TYR: variants seen among roughly 807,000 people sequenced by gnomAD.
TYR encodes tyrosinase, also known as LB24-AB.
TYR carries 58 observed loss-of-function variants against 51.5 expected under a neutral mutation model. That is an observed-to-expected ratio of 1.13 (90% CI 0.91 to 1.40). The LOEUF is 1.40. Ranked by LOEUF, TYR falls within the 40% of genes most tolerant of loss-of-function variation. TYR has a pLI of 0.00. For missense variants in TYR, 732 were observed against 647.4 expected, an observed-to-expected ratio of 1.13 and a Z score of -1.42; for synonymous variants, 263 against 235.2, an observed-to-expected ratio of 1.12 and a Z score of -1.08.
chr11:89,184,827 AC>A lies in TYR; in HGVS notation c.819+6056del, dbSNP rs201837395. 1.0e-3 allele frequency among the ~76,000 whole-genome samples: 156 copies of A among 152,300 alleles called. 4 individuals carry two copies. The East Asian group carries it at 0.027, about 26-fold the overall frequency. On this transcript the variant is annotated intron_variant, in intron 1 of 4. Transcript: ENST00000263321. ...CGGAGCCCAATTTTTTCTCTACCAC[AC>A]AATGCATAAATTCTTAAGTTATGTC...
chr11:89,248,761 A>G (rs1398005683), intron 3 of TYR, among the ~76,000 whole-genome samples: 1 of 152,176 alleles, frequency 6.6e-6, no homozygotes, highest in Non-Finnish European at 1.5e-5. Context: ...AAACTTCAAA[A>G]GTGACATGGA....
At position 89,178,550 on chromosome 11, in the gene TYR, T is replaced by C; in HGVS notation, c.597T>C (p.Asp199=). ...GATCTGAAATCTGGAGAGACATTGA[T>C]TTTGCCCATGAAGCACCAGCTTTTC... ...LGGSEIWRDI[D]FAHEAPAFLP... is the part of the protein sequence containing the mutation. The change falls in exon 1 of 5, where the codon GAT becomes GAC. Residue 199 remains aspartate (D), a synonymous_variant. Transcript: ENST00000263321. 1.7e-5 allele frequency: 27 copies of C among 1,614,098 alleles called. No homozygotes were observed. The highest frequency in any genetic ancestry group is 2.3e-5 in the Non-Finnish European group (27 of 1,179,988).
At chr11:89,250,980 T>C (rs1944325403) in intron 3 of TYR, among the ~76,000 whole-genome samples, 1 of 151,828 alleles carries the variant, frequency 6.6e-6, no homozygotes, top group African/African-American at 2.4e-5. Context: ...AGAAAACAAA[T>C]CATTTGAAGG....
intron 3 of TYR, among the ~76,000 whole-genome samples, chr11:89,263,392 C>T (rs915830115): frequency 6.6e-6 from 1 of 151,658 alleles, no homozygotes; most frequent in Non-Finnish European, 1.5e-5. Flanking sequence ...ACAGCTAACA[C>T]ATCATACTCA....
intron 3 of TYR, among the ~76,000 whole-genome samples, chr11:89,277,933 C>T (rs1048620109): frequency 1.3e-5 from 2 of 151,620 alleles, no homozygotes; most frequent in African/African-American, 4.8e-5. Context: ...ATTCACCTTC[C>T]CAGATACAAA....
intron 1 of TYR, among the ~76,000 whole-genome samples, chr11:89,181,829 G>A (rs1943304296): frequency 1.3e-5 from 2 of 152,100 alleles, no homozygotes; most frequent in South Asian, 4.1e-4. Flanking sequence ...AGTCAACAAT[G>A]TTATTTCTTG....
At chr11:89,246,024 A>G (rs1406336141) in intron 3 of TYR, among the ~76,000 whole-genome samples, 1 of 152,146 alleles carries the variant, frequency 6.6e-6, no homozygotes, top group Non-Finnish European at 1.5e-5. Flanking sequence ...TAGCATGCTC[A>G]GAAGCTTGGG....
chr11:89,203,348 C>A (rs1943625041), intron 2 of TYR, among the ~76,000 whole-genome samples: 2 of 152,188 alleles, frequency 1.3e-5, no homozygotes, highest in Admixed American at 6.5e-5. Context: ...AAGCTGGGGA[C>A]TCTGATAAAC....
intron 4 of TYR, among the ~76,000 whole-genome samples, chr11:89,285,344 A>G (rs1944772250): frequency 1.3e-5 from 2 of 151,930 alleles, no homozygotes; most frequent in East Asian, 2.0e-4. Flanking sequence ...ATTATTTAGA[A>G]TGATACATTA....
chr11:89,217,997 G>A (rs758367294), intron 2 of TYR, among the ~76,000 whole-genome samples: 11 of 151,974 alleles, frequency 7.2e-5, no homozygotes, highest in Non-Finnish European at 1.0e-4. Context: ...AAGAATCATC[G>A]ACCTCTTCTA....
At chr11:89,223,610 A>G in intron 2 of TYR, among the ~76,000 whole-genome samples, 1 of 152,172 alleles carries the variant, frequency 6.6e-6, no homozygotes. Context: ...TATAAGTGAA[A>G]GATTGAGAGT....
chr11:89,204,235 T>A (rs1383771788), intron 2 of TYR, among the ~76,000 whole-genome samples: 1 of 152,170 alleles, frequency 6.6e-6, no homozygotes, highest in Non-Finnish European at 1.5e-5. Flanking sequence ...TGAGGAGCAG[T>A]AATGAGGGGT....
intron 1 of TYR, among the ~76,000 whole-genome samples, chr11:89,190,890 T>C (rs527554038): frequency 8.5e-5 from 13 of 152,284 alleles, no homozygotes; most frequent in African/African-American, 3.1e-4. Context: ...CAATTGCCTA[T>C]AGTATTCAGT....
At chr11:89,214,065 CA>C (rs1428301116) in intron 2 of TYR, among the ~76,000 whole-genome samples, 5 of 152,166 alleles carry the variant, frequency 3.3e-5, no homozygotes, top group Non-Finnish European at 7.4e-5. Context: ...GCAATGGCAA[CA>C]AAAGCCAAAA....
In TYR at chr11:89,228,094, G is replaced by A. The variant is rs796367827; in HGVS notation, c.1184+124G>A. 3.1e-5 allele frequency: 38 copies of A among 1,221,872 alleles called. No individual in the cohort carries two copies. In the African/African-American group the frequency reaches 3.3e-4, roughly 11 times the overall value. 75.7% of individuals were successfully genotyped at this position (1,221,872 alleles called of 1,614,324 possible). On this transcript the variant is annotated intron_variant, in intron 3 of 4. Coordinates refer to ENST00000263321, the MANE Select transcript of TYR (RefSeq NM_000372.5). ...ATGGTAGTCTATTGTCTGTGATCAGGTTGTCACCAAAACAGACCTTAGGCT... is the reference window on the plus strand; with the variant it reads ...ATGGTAGTCTATTGTCTGTGATCAGATTGTCACCAAAACAGACCTTAGGCT...
At chr11:89,255,182 G>C (rs1181430542) in intron 3 of TYR, among the ~76,000 whole-genome samples, 1 of 151,602 alleles carries the variant, frequency 6.6e-6, no homozygotes, top group Non-Finnish European at 1.5e-5. Context: ...GAGAGTACTT[G>C]ATATAATTTC....
chr11:89,261,393 A>G (rs1274443971), intron 3 of TYR, among the ~76,000 whole-genome samples: 1 of 152,156 alleles, frequency 6.6e-6, no homozygotes, highest in Non-Finnish European at 1.5e-5. Context: ...AAAAATATTC[A>G]AAAGAGAGCT....
chr11:89,244,551 C>T (rs1213593155), intron 3 of TYR, among the ~76,000 whole-genome samples: 3 of 152,210 alleles, frequency 2.0e-5, no homozygotes, highest in East Asian at 1.9e-4. Context: ...TCTTATGCTA[C>T]ACATTGTCCA....
chr11:89,242,995 C>T (rs2186640), intron 3 of TYR, among the ~76,000 whole-genome samples: 8 of 152,066 alleles, frequency 5.3e-5, no homozygotes, highest in South Asian at 2.1e-4. Context: ...CCTTTGTCAG[C>T]GTGTTGGAAG....
Sources: gnomAD v4.1 joint callset for allele counts (sites outside exome capture counted in the v4.1 genomes callset) on GRCh38, gnomAD v4.1.1 for gene constraint, MANE v1.5 for transcripts, NCBI Gene and HGNC (gene_info 2026-07-23, HGNC 2026-07-21) for gene names.